The following TBC1D22A variants were observed in gnomAD, a reference collection of about 807,000 sequenced individuals.
TBC1D22A encodes the protein TBC1 domain family member 22A.
TBC1D22A carries 38 observed loss-of-function variants against 60.2 expected under a neutral mutation model. The ratio of observed to expected loss-of-function variants is 0.63; its 90% CI spans 0.49 to 0.83. The LOEUF (loss-of-function observed/expected upper bound fraction) is 0.83. TBC1D22A is among the 40% of genes least tolerant of loss of function. The pLI, the probability that TBC1D22A is intolerant of heterozygous loss-of-function variation, is 0.00. For synonymous variants in TBC1D22A, 302 were observed against 281.7 expected (o/e 1.07, Z -0.72); for missense variants, 628 against 701.0 (o/e 0.90, Z 1.18).
At chr22:46,774,070 T>C (rs947739126) in intron 1 of TBC1D22A, 63 of 985,386 alleles carry the variant, frequency 6.4e-5, no homozygotes, top group Non-Finnish European at 7.3e-5. Context: ...TGGGTGGAGG[T>C]GTTCCTCCCG....
At chr22:47,135,891 A>G (rs1282292389) in intron 12 of TBC1D22A, among the ~76,000 whole-genome samples, 3 of 151,808 alleles carry the variant, frequency 2.0e-5, no homozygotes, top group African/African-American at 7.3e-5. Context: ...TCATTCGCCC[A>G]GCGCTTGTTC....
chr22:47,140,562 AAAAAAAAG>A (rs2067044409), intron 12 of TBC1D22A, among the ~76,000 whole-genome samples: 1 of 151,686 alleles, frequency 6.6e-6, no homozygotes, highest in Admixed American at 6.6e-5. Context: ...TCAAAAAAAA[AAAAAAAAG>A]AAAGAAAGAA....
At position 46,770,803 on chromosome 22, in the gene TBC1D22A, GA is replaced by G. The variant is rs560476014; in HGVS notation, c.62+7957del. Reference sequence around the variant, plus strand: ...CTGTATTGCCTTTTGCTTATGTTTTGAAGAGATTGTTTATTGGGTAAGAACC... The same window carrying G: ...CTGTATTGCCTTTTGCTTATGTTTTGAGAGATTGTTTATTGGGTAAGAACC... On this transcript the variant is annotated intron_variant, in intron 1 of 12. Coordinates refer to ENST00000337137, the MANE Select transcript of TBC1D22A (RefSeq NM_014346.5). Among the ~76,000 whole-genome samples, 127 of 152,336 alleles carry G rather than the reference GA, an allele frequency of 8.3e-4. 1 individual carries two copies. Among genetic ancestry groups the G allele is most frequent in the African/African-American group, 2.8e-3 (117 of 41,570 alleles).
intron 4 of TBC1D22A, among the ~76,000 whole-genome samples, chr22:46,812,976 G>C (rs1209823198): frequency 6.6e-6 from 1 of 152,106 alleles, no homozygotes; most frequent in Non-Finnish European, 1.5e-5. Flanking sequence ...TGTCGTGTCC[G>C]GAGCTGTCCG....
intron 11 of TBC1D22A, among the ~76,000 whole-genome samples, chr22:47,105,142 C>T (rs1487304566): frequency 2.6e-5 from 4 of 151,466 alleles, no homozygotes; most frequent in Non-Finnish European, 4.4e-5. Context: ...TGATTCTTTT[C>T]GTCAATAATA....
At chr22:47,014,789 G>A (rs1276718747) in intron 10 of TBC1D22A, among the ~76,000 whole-genome samples, 1 of 152,190 alleles carries the variant, frequency 6.6e-6, no homozygotes, top group Non-Finnish European at 1.5e-5. Context: ...CTGTGTGTGG[G>A]GTGGGTGTGG....
At chr22:46,948,191 GAAAAC>G (rs2147990386) in intron 8 of TBC1D22A, among the ~76,000 whole-genome samples, 1 of 152,338 alleles carries the variant, frequency 6.6e-6, no homozygotes, top group Admixed American at 6.5e-5. Context: ...CTGAAAGAGA[GAAAAC>G]AAGAAATCAA....
rs773093116 is a variant in TBC1D22A, at chr22:46,939,853, G to A, written c.1015+27665G>A. 3.7e-4 allele frequency among the ~76,000 whole-genome samples: 57 copies of A among 152,214 alleles called. 1 individual carries two copies. Among genetic ancestry groups the A allele is most frequent in the Non-Finnish European group, 2.6e-4 (18 of 68,040 alleles). ...CAAGAAGAACCCAAAGCAGTGACAA[G>A]AGGGGACCTATGAGAGAGGAATTGG... On this transcript the variant is annotated intron_variant, in intron 8 of 12. Coordinates refer to ENST00000337137, the MANE Select transcript of TBC1D22A (RefSeq NM_014346.5).
In TBC1D22A at chr22:46,803,203, G is replaced by C. The variant is rs370856275; in HGVS notation, c.637+5583G>C. ...ACCCCCTTCCTGCGTGCCCCAGATT[G>C]CTGGCCTTATCGCTGGTTTACAGCT... is the stretch of plus-strand genomic sequence containing the variant. On this transcript the variant is annotated intron_variant, in intron 4 of 12. Coordinates refer to ENST00000337137, the MANE Select transcript of TBC1D22A (RefSeq NM_014346.5). Among the ~76,000 whole-genome samples, 17 of 152,042 alleles carry C rather than the reference G, an allele frequency of 1.1e-4. No individual in the cohort carries two copies. In the East Asian group the frequency reaches 2.9e-3, roughly 26 times the overall value.
At chr22:46,769,035 A>G (rs2083393836) in intron 1 of TBC1D22A, among the ~76,000 whole-genome samples, 1 of 140,644 alleles carries the variant, frequency 7.1e-6, no homozygotes, top group African/African-American at 2.7e-5. Flanking sequence ...TGGAGGTTGC[A>G]GTGAGCTGAG....
At chr22:47,050,760 G>A (rs978225657) in intron 11 of TBC1D22A, among the ~76,000 whole-genome samples, 5 of 152,102 alleles carry the variant, frequency 3.3e-5, no homozygotes, top group African/African-American at 1.2e-4. Context: ...ACCTTGGGGT[G>A]GGTGGGATGA....
chr22:47,050,786 C>T (rs1004297703), intron 11 of TBC1D22A, among the ~76,000 whole-genome samples: 21 of 151,860 alleles, frequency 1.4e-4, no homozygotes, highest in Non-Finnish European at 2.6e-4. Flanking sequence ...AAGTGCGCAT[C>T]GGTGGAGGTG....
At position 47,032,339 on chromosome 22, in the gene TBC1D22A, C is replaced by T. The variant is rs143619612; in HGVS notation, c.1202-4732C>T. On this transcript the variant is annotated intron_variant, in intron 10 of 12. Coordinates refer to ENST00000337137, the MANE Select transcript of TBC1D22A (RefSeq NM_014346.5). ...GCTGGTCTCTGTTTCCGGACAAAGTCCCTGCCCTCGAGGAAGTCACAGTCT... is the reference window on the plus strand; with the variant it reads ...GCTGGTCTCTGTTTCCGGACAAAGTTCCTGCCCTCGAGGAAGTCACAGTCT... 3.6e-3 allele frequency among the ~76,000 whole-genome samples: 544 copies of T among 152,354 alleles called. 4 individuals are homozygous for T. The highest frequency in any genetic ancestry group is 0.011 in the African/African-American group (454 of 41,582).
rs547705606 is a variant in TBC1D22A at position 47,144,974 on chromosome 22, A to G, written c.1426-28524A>G. On this transcript the variant is annotated intron_variant, in intron 12 of 12. Coordinates refer to ENST00000337137, the MANE Select transcript of TBC1D22A (RefSeq NM_014346.5). Reference sequence around the variant, plus strand: ...CGGCTGAGCCGTTTGGTGCCGCTGGACCAGAGCCATGTAGATGTTGACTGT... The same window carrying G: ...CGGCTGAGCCGTTTGGTGCCGCTGGGCCAGAGCCATGTAGATGTTGACTGT... Among the ~76,000 whole-genome samples the G allele has an allele frequency of 1.5e-4, 23 of 152,366 alleles. 1 individual carries two copies. In the South Asian group the frequency reaches 4.6e-3, roughly 30 times the overall value.
chr22:47,139,618 G>T (rs917083510), intron 12 of TBC1D22A, among the ~76,000 whole-genome samples: 15 of 152,340 alleles, frequency 9.8e-5, no homozygotes, highest in Admixed American at 9.8e-4. Context: ...ACAGGAGAGG[G>T]ACCGCCATTC....
At chr22:47,171,726 G>A (rs531963369) in intron 12 of TBC1D22A, among the ~76,000 whole-genome samples, 17 of 152,186 alleles carry the variant, frequency 1.1e-4, no homozygotes, top group Non-Finnish European at 2.1e-4. Flanking sequence ...CATGTGGGAG[G>A]GCGGGGCTGT....
chr22:46,906,056 C>T (rs919767942), intron 7 of TBC1D22A, among the ~76,000 whole-genome samples: 3 of 152,032 alleles, frequency 2.0e-5, no homozygotes, highest in Non-Finnish European at 2.9e-5. Context: ...ACGTGCGGGG[C>T]GCCTGGGACC....
intron 12 of TBC1D22A, among the ~76,000 whole-genome samples, chr22:47,132,822 G>T (rs939397848): frequency 6.6e-6 from 1 of 150,474 alleles, no homozygotes; most frequent in Admixed American, 6.6e-5. Flanking sequence ...GGAAACTCCC[G>T]AGTGTCCGCG....
intron 11 of TBC1D22A, among the ~76,000 whole-genome samples, chr22:47,061,671 A>G (rs1238304961): frequency 6.6e-6 from 1 of 151,938 alleles, no homozygotes; most frequent in Admixed American, 6.6e-5. Flanking sequence ...CTCCATAGTC[A>G]TCTAGAGATT....
Sources: gnomAD v4.1 joint callset for allele counts (sites outside exome capture counted in the v4.1 genomes callset) on GRCh38, gnomAD v4.1.1 for gene constraint, MANE v1.5 for transcripts, NCBI Gene and HGNC (gene_info 2026-07-23, HGNC 2026-07-21) for gene names.